Variants in SEC14L4 observed in about 807,000 individuals in gnomAD.
SEC14L4 encodes the protein SEC14 like lipid binding 4.
Under a neutral mutation model 55.1 loss-of-function variants are expected in SEC14L4, and 42 were observed. That is an observed-to-expected ratio of 0.76 (90% CI 0.60 to 0.99). The LOEUF is 0.99. Among genes scored for constraint, SEC14L4 ranks in the 50% least tolerant of loss-of-function variants. SEC14L4 has a pLI of 0.00. For synonymous variants in SEC14L4, 206 were observed against 206.8 expected (o/e 1.00, Z 0.03); for missense variants, 445 against 512.1 (o/e 0.87, Z 1.27).
chr22:30,492,753 A>G, intron 7 of SEC14L4, 196 bp from the exon 8 acceptor site: 2 of 577,990 alleles, frequency 3.5e-6, no homozygotes, highest in South Asian at 4.0e-5. Context: ...GAAATAATGT[A>G]TGTATAACAC....
In SEC14L4 at chr22:30,495,666, T is replaced by C. The variant is rs370918523; in HGVS notation, c.175-24A>G. 44 of 1,613,800 alleles carry C rather than the reference T, an allele frequency of 2.7e-5. No individual in the cohort carries two copies. In the African/African-American group the frequency reaches 5.1e-4, roughly 19 times the overall value. On this transcript the variant is annotated intron_variant, in intron 3 of 11. Coordinates refer to ENST00000255858, the MANE Select transcript of SEC14L4 (RefSeq NM_174977.4). ...TGCTGCAGGAACACAGCAGGAGCTATAGGATTTTGCAGGAACCTGGGGACA... is the reference window on the plus strand; with the variant it reads ...TGCTGCAGGAACACAGCAGGAGCTACAGGATTTTGCAGGAACCTGGGGACA...
intron 2 of SEC14L4, among the ~76,000 whole-genome samples, chr22:30,503,135 C>T (rs994473400): frequency 1.3e-5 from 2 of 152,234 alleles, no homozygotes; most frequent in Non-Finnish European, 1.5e-5. Context: ...TCTGTGCCCA[C>T]CTGTTGCCTC....
At chr22:30,502,440 G>C (rs964326416) in intron 2 of SEC14L4, among the ~76,000 whole-genome samples, 7 of 152,192 alleles carry the variant, frequency 4.6e-5, no homozygotes, top group Admixed American at 4.6e-4. Context: ...ACCCTGCACT[G>C]TATGTATGCT....
intron 1 of SEC14L4, among the ~76,000 whole-genome samples, chr22:30,504,861 A>G (rs187802868): frequency 6.6e-6 from 1 of 152,296 alleles, no homozygotes; most frequent in African/African-American, 2.4e-5. Flanking sequence ...TCACACCTGT[A>G]ATCCCAGCAC....
chr22:30,491,732 C>T lies in SEC14L4; in HGVS notation c.922G>A (p.Ala308Thr), dbSNP rs760384308. ...FPGCVLRWQF[A>T]SDGGDIGFGV... is the part of the protein sequence containing the mutation. Reference sequence around the variant, plus strand: ...AAGCCGATGTCCCCACCATCTGAAGCAAACTGCCACCTGCAGTGGATAGAG... The same window carrying T: ...AAGCCGATGTCCCCACCATCTGAAGTAAACTGCCACCTGCAGTGGATAGAG... Residue 308 changes from alanine to threonine, a missense_variant, in exon 11 of 12, where the codon GCT becomes ACT. Coordinates refer to ENST00000255858, the MANE Select transcript of SEC14L4 (RefSeq NM_174977.4). 1.9e-6 allele frequency: 3 copies of T among 1,614,146 alleles called. No homozygotes were observed. Among genetic ancestry groups the T allele is most frequent in the South Asian group, 2.2e-5 (2 of 91,086 alleles).
In SEC14L4 at chr22:30,491,621, G is replaced by A. The variant is rs1412555615; in HGVS notation, c.1033C>T (p.His345Tyr). 2.5e-6 allele frequency: 4 copies of A among 1,614,124 alleles called. No individual in the cohort carries two copies. The highest frequency in any genetic ancestry group is 4.5e-5 in the East Asian group (2 of 44,878). Residue 345 changes from histidine to tyrosine, a missense_variant, in exon 11 of 12, where the codon CAC becomes TAC. By Grantham distance (83) the His-to-Tyr change is moderately conservative. Coordinates refer to ENST00000255858, the MANE Select transcript of SEC14L4 (RefSeq NM_174977.4). ...EVLPSQRYNA[H>Y]MVPEDGSLTC... ...AGGCTCCCATCCTCAGGCACCATGT[G>A]GGCATTGTAGCGCTGGCTGGGCAGC...
intron 5 of SEC14L4, 61 bp downstream of exon 5, chr22:30,495,193 T>C (rs1936099395): frequency 3.4e-6 from 5 of 1,458,368 alleles, no homozygotes; most frequent in Non-Finnish European, 4.6e-6. Flanking sequence ...GGTGCCACCC[T>C]TCTCTGGTCC....
intron 2 of SEC14L4, among the ~76,000 whole-genome samples, chr22:30,498,070 T>C (rs1033173148): frequency 2.0e-5 from 3 of 151,800 alleles, no homozygotes; most frequent in African/African-American, 7.3e-5. Context: ...GTTAAACTCC[T>C]GGGTATTTTA....
chr22:30,505,542 C>T lies in SEC14L4; in HGVS notation c.54+16G>A. 1 of 1,559,410 alleles carries T rather than the reference C, an allele frequency of 6.4e-7. No homozygotes were observed. The highest frequency in any genetic ancestry group is 1.2e-5 in the South Asian group (1 of 84,756). On this transcript the variant is annotated intron_variant, in intron 1 of 11. Transcript: ENST00000255858. Reference sequence around the variant, plus strand: ...AGGGCCCCTCCTCAAGCCTCCCAGCCCGCGATGCTCCTCACCCTGGCCAGC... The same window carrying T: ...AGGGCCCCTCCTCAAGCCTCCCAGCTCGCGATGCTCCTCACCCTGGCCAGC...
At chr22:30,496,564 C>T (rs5997666) in intron 2 of SEC14L4, among the ~76,000 whole-genome samples, 1 of 149,252 alleles carries the variant, frequency 6.7e-6, no homozygotes, top group African/African-American at 2.5e-5. Flanking sequence ...CAGAGACACC[C>T]CCCCCCACCA....
Position 30,505,559 on chromosome 22 carries a change from C to T in SEC14L4, c.53G>A (p.Arg18Lys). The change falls in exon 1 of 12, where the codon AGG becomes AAG. Residue 18 changes from arginine to lysine, a missense_variant and splice_region_variant. Arg to Lys is a conservative substitution (Grantham distance 26, BLOSUM62 2). Coordinates refer to ENST00000255858, the MANE Select transcript of SEC14L4 (RefSeq NM_174977.4). ...CTCCCAGCCCGCGATGCTCCTCACC[C>T]TGGCCAGCGCTTCCTGCTGCTGGGG... ...LSPQQQEALA[R>K]FRENLQDLLP... is the part of the protein sequence containing the mutation. 1 of 1,566,672 alleles carries T rather than the reference C, an allele frequency of 6.4e-7. No individual in the cohort carries two copies. The highest frequency in any genetic ancestry group is 8.6e-7 in the Non-Finnish European group (1 of 1,157,876).
intron 3 of SEC14L4, 132 bp from the exon 4 acceptor site, chr22:30,495,774 G>A: frequency 6.2e-7 from 1 of 1,601,488 alleles, no homozygotes; most frequent in Non-Finnish European, 8.5e-7. Context: ...CAGGAGGTGG[G>A]CTGGGGGGAC....
At chr22:30,501,385 C>G (rs997100042) in intron 2 of SEC14L4, among the ~76,000 whole-genome samples, 2 of 152,158 alleles carry the variant, frequency 1.3e-5, no homozygotes, top group African/African-American at 4.8e-5. Flanking sequence ...ACACCAAGCA[C>G]CCCAAAAGCT....
intron 8 of SEC14L4, 114 bp downstream of exon 8, chr22:30,492,360 G>C (rs991475100): frequency 6.0e-6 from 7 of 1,172,712 alleles, no homozygotes; most frequent in Non-Finnish European, 8.7e-6. Flanking sequence ...GGCTCACCAG[G>C]GTCAGGCCAG....
intron 6 of SEC14L4, 142 bp from the exon 7 acceptor site, chr22:30,494,352 CTG>C (rs1225484662): frequency 1.5e-6 from 1 of 680,456 alleles, no homozygotes; most frequent in East Asian, 2.6e-5. Flanking sequence ...CTCTTCCTCT[CTG>C]TTATTCTTTT....
Position 30,489,617 on chromosome 22 carries a change from C to A in SEC14L4, c.*490G>T. 1.7e-6 allele frequency: 1 copy of A among 585,790 alleles called. No individual in the cohort carries two copies. The highest frequency in any genetic ancestry group is 1.9e-5 in the African/African-American group (1 of 53,678). 36.3% of individuals were successfully genotyped at this position (585,790 alleles called of 1,614,324 possible). ...TGCTCTGCTGGAACCAGGACCCTCA[C>A]CCAGCTGCCTCCAGCTGGGCCTGCC... On this transcript the variant is annotated 3_prime_UTR_variant, in exon 12 of 12. Coordinates refer to ENST00000255858, the MANE Select transcript of SEC14L4 (RefSeq NM_174977.4).
Position 30,492,494 on chromosome 22 carries a change from C to T in SEC14L4, c.644G>A (p.Arg215Lys), listed in dbSNP as rs774674443. 2.0e-5 allele frequency: 32 copies of T among 1,613,890 alleles called. No individual in the cohort carries two copies. In the Admixed American group the frequency reaches 5.0e-4, roughly 25 times the overall value. The change falls in exon 8 of 12, where the codon AGG (arginine) becomes AAG (lysine). Residue 215 changes from arginine (R) to lysine (K), a missense_variant. Coordinates refer to ENST00000255858, the MANE Select transcript of SEC14L4 (RefSeq NM_174977.4). ...CTCACCTCCCAGAATCACAATCTTC[C>T]TGCGTGTCTCCTCACTCATGAACGA... ...VKSFMSEETR[R>K]KIVILGDNWK...
chr22:30,496,520 C>T (rs1427739912), intron 2 of SEC14L4, among the ~76,000 whole-genome samples: 2 of 152,034 alleles, frequency 1.3e-5, no homozygotes, highest in Non-Finnish European at 2.9e-5. Flanking sequence ...CTTCTGGAGG[C>T]CAATCTAGCC....
Position 30,491,887 on chromosome 22 carries a change from G to A in SEC14L4, c.858C>T (p.Arg286=), listed in dbSNP as rs200372039. The change falls in exon 10 of 12, where the codon CGC becomes CGT. Residue 286 remains arginine (R), a synonymous_variant. Transcript: ENST00000255858. ...LQYEHTRSVG[R]GSSLQVENEI... ...CGTTCTCCACCTGCAGGGAGGAGCCGCGGCCCACGGACCTCGTGTGCTCAT... is the reference window on the plus strand; with the variant it reads ...CGTTCTCCACCTGCAGGGAGGAGCCACGGCCCACGGACCTCGTGTGCTCAT... 1.7e-4 allele frequency: 267 copies of A among 1,613,094 alleles called. No homozygotes were observed. The highest frequency in any genetic ancestry group is 1.2e-3 in the South Asian group (111 of 90,986).
Sources: gnomAD v4.1 joint callset for allele counts (sites outside exome capture counted in the v4.1 genomes callset) on GRCh38, gnomAD v4.1.1 for gene constraint, MANE v1.5 for transcripts, NCBI Gene and HGNC (gene_info 2026-07-23, HGNC 2026-07-21) for gene names.